The following KIF6 variants were observed in gnomAD, a reference collection of about 807,000 sequenced individuals.
KIF6 encodes kinesin-like protein KIF6.
In KIF6, 106 loss-of-function variants were observed where a neutral mutation model predicts 112.7. That is an observed-to-expected ratio of 0.94 (90% CI 0.80 to 1.11). The LOEUF (loss-of-function observed/expected upper bound fraction) is 1.11. Ranked by LOEUF, KIF6 falls within the 50% of genes least tolerant of loss-of-function variation. KIF6 has a pLI of 0.00. For missense variants in KIF6, 929 were observed against 964.0 expected (o/e 0.96, Z 0.48); for synonymous variants, 339 against 339.9 (o/e 1.00, Z 0.03).
At chr6:39,379,822 T>C (rs1766769325) in intron 16 of KIF6, among the ~76,000 whole-genome samples, 1 of 152,246 alleles carries the variant, frequency 6.6e-6, no homozygotes. Flanking sequence ...TGCAGCGTGA[T>C]GGCTGGAACA....
chr6:39,545,802 C>A, intron 10 of KIF6, 114 bp from the exon 11 acceptor site: 1 of 594,326 alleles, frequency 1.7e-6, no homozygotes, highest in Non-Finnish European at 3.0e-6. Context: ...CACCTCTTTA[C>A]AGAAGTACAG....
Position 39,420,007 on chromosome 6 carries a change from G to A in KIF6, c.1755-4C>T, listed in dbSNP as rs1770236170. The A allele has an allele frequency of 6.2e-7, 1 of 1,609,264 alleles. No individual in the cohort carries two copies. On this transcript the variant is annotated splice_region_variant and splice_polypyrimidine_tract_variant and intron_variant, in intron 14 of 22. Transcript: ENST00000287152. ...CAGGGCCTTGGCTTCAGAAAATCTG[G>A]AGGGGAAAAAAATGAAAATTGTAGT...
chr6:39,487,792 T>C lies in KIF6; in HGVS notation c.1645+52211A>G, dbSNP rs528232424. Among the ~76,000 whole-genome samples, 87 of 152,332 alleles carry C rather than the reference T, an allele frequency of 5.7e-4. No individual in the cohort carries two copies. In the South Asian group the frequency reaches 0.018, roughly 31 times the overall value. ...GAGATGTGATTATTTCTATCTTAAA[T>C]GTCAGACTTCTAAAAATCCAAGCAG... On this transcript the variant is annotated intron_variant, in intron 13 of 22. Coordinates refer to ENST00000287152, the MANE Select transcript of KIF6 (RefSeq NM_145027.6).
intron 10 of KIF6, among the ~76,000 whole-genome samples, chr6:39,557,308 A>G (rs764318145): frequency 1.4e-4 from 22 of 152,198 alleles, no homozygotes; most frequent in Non-Finnish European, 2.8e-4. Flanking sequence ...AAATTGAATC[A>G]TACATTATCA....
At chr6:39,388,770 T>A (rs1197613179) in intron 15 of KIF6, among the ~76,000 whole-genome samples, 1 of 152,118 alleles carries the variant, frequency 6.6e-6, no homozygotes, top group Non-Finnish European at 1.5e-5. Context: ...CCTGGGTTCC[T>A]GGACACATCC....
At chr6:39,374,946 A>G (rs1426809593) in intron 16 of KIF6, among the ~76,000 whole-genome samples, 1 of 152,262 alleles carries the variant, frequency 6.6e-6, no homozygotes, top group African/African-American at 2.4e-5. Flanking sequence ...ATTGTTCACA[A>G]TAGCCACGAC....
chr6:39,456,677 T>G (rs1477187019), intron 13 of KIF6, among the ~76,000 whole-genome samples: 2 of 100,786 alleles, frequency 2.0e-5, no homozygotes, highest in Non-Finnish European at 1.8e-5. Context: ...TGGAGGAAGA[T>G]CTACCAAGCC....
At chr6:39,548,959 A>G (rs760880511) in intron 10 of KIF6, among the ~76,000 whole-genome samples, 2 of 152,228 alleles carry the variant, frequency 1.3e-5, no homozygotes, top group Non-Finnish European at 2.9e-5. Context: ...ACCATTCAGT[A>G]ACAAGAAATA....
chr6:39,642,611 G>C (rs1167026481), intron 3 of KIF6, among the ~76,000 whole-genome samples: 1 of 152,058 alleles, frequency 6.6e-6, no homozygotes, highest in Non-Finnish European at 1.5e-5. Flanking sequence ...TGTCCTCGGG[G>C]TGTTTGTTGA....
At chr6:39,707,855 C>T (rs1020285681) in intron 3 of KIF6, among the ~76,000 whole-genome samples, 2 of 152,202 alleles carry the variant, frequency 1.3e-5, no homozygotes, top group Admixed American at 6.5e-5. Context: ...GAAGGGATAA[C>T]TGATTCAGAA....
At chr6:39,698,937 T>C (rs184162168) in intron 3 of KIF6, among the ~76,000 whole-genome samples, 73 of 152,314 alleles carry the variant, frequency 4.8e-4, no homozygotes, top group Middle Eastern at 3.4e-3. Flanking sequence ...AGAATCTAAT[T>C]TGCCTATTGC....
At chr6:39,350,218 G>A (rs1252236339) in intron 19 of KIF6, among the ~76,000 whole-genome samples, 1 of 152,148 alleles carries the variant, frequency 6.6e-6, no homozygotes, top group East Asian at 1.9e-4. Context: ...AGGAGGATCT[G>A]GTGGTGGGAA....
At chr6:39,427,450 ATAAT>A (rs1174348659) in intron 14 of KIF6, among the ~76,000 whole-genome samples, 7 of 152,190 alleles carry the variant, frequency 4.6e-5, no homozygotes, top group Non-Finnish European at 8.8e-5. Flanking sequence ...GTAATATCTA[ATAAT>A]TCAATACTCT....
At chr6:39,648,728 C>A (rs114094375) in intron 3 of KIF6, among the ~76,000 whole-genome samples, 1 of 152,156 alleles carries the variant, frequency 6.6e-6, no homozygotes, top group African/African-American at 2.4e-5. Context: ...GCAGTCCATG[C>A]GAATGCCGGT....
intron 3 of KIF6, among the ~76,000 whole-genome samples, chr6:39,664,169 G>T (rs149632174): frequency 2.0e-5 from 3 of 152,284 alleles, no homozygotes; most frequent in Non-Finnish European, 1.5e-5. Context: ...GTCTAGGATT[G>T]TCAAGACATA....
chr6:39,372,341 T>G (rs553502019), intron 16 of KIF6, among the ~76,000 whole-genome samples: 39 of 152,272 alleles, frequency 2.6e-4, no homozygotes, highest in African/African-American at 9.4e-4. Context: ...CAACAGCTAT[T>G]AAGTCCCTAC....
intron 7 of KIF6, among the ~76,000 whole-genome samples, chr6:39,589,972 T>C (rs1781843408): frequency 6.6e-6 from 1 of 152,188 alleles, no homozygotes; most frequent in African/African-American, 2.4e-5. Context: ...AGTAAATCAA[T>C]GAATGCATGA....
At chr6:39,508,707 A>G (rs1776591175) in intron 13 of KIF6, among the ~76,000 whole-genome samples, 1 of 152,146 alleles carries the variant, frequency 6.6e-6, no homozygotes, top group Non-Finnish European at 1.5e-5. Context: ...CTATGGTCAC[A>G]GTGCAAACAA....
chr6:39,441,655 C>T (rs908611431), intron 13 of KIF6, among the ~76,000 whole-genome samples: 13 of 152,162 alleles, frequency 8.5e-5, no homozygotes, highest in Non-Finnish European at 8.8e-5. Context: ...AAAAAAGCCA[C>T]GGCCAAAGTG....
Sources: gnomAD v4.1 joint callset for allele counts (sites outside exome capture counted in the v4.1 genomes callset) on GRCh38, gnomAD v4.1.1 for gene constraint, MANE v1.5 for transcripts, NCBI Gene and HGNC (gene_info 2026-07-23, HGNC 2026-07-21) for gene names.